The following FHIT variants were observed in gnomAD, a reference collection of about 807,000 sequenced individuals.
The protein encoded by FHIT is bis(5'-adenosyl)-triphosphatase.
In FHIT, 19 loss-of-function variants were observed where a neutral mutation model predicts 17.9. The ratio of observed to expected loss-of-function variants is 1.06; its 90% CI spans 0.74 to 1.56. FHIT has a LOEUF of 1.56. FHIT is among the 40% of genes most tolerant of loss of function. The pLI, the probability that FHIT is intolerant of heterozygous loss-of-function variation, is 0.00. For missense variants in FHIT, 248 were observed against 189.2 expected (o/e 1.31, Z -1.82); for synonymous variants, 81 against 69.7 (o/e 1.16, Z -0.81).
intron 3 of FHIT, among the ~76,000 whole-genome samples, chr3:60,981,234 G>C (rs948554523): frequency 2.6e-5 from 4 of 151,590 alleles, no homozygotes; most frequent in African/African-American, 9.7e-5. Context: ...GTGAAAGTTT[G>C]CTAAGGTCCC....
chr3:60,930,048 A>G (rs2107359956), intron 3 of FHIT, among the ~76,000 whole-genome samples: 1 of 152,324 alleles, frequency 6.6e-6, no homozygotes, highest in African/African-American at 2.4e-5. Context: ...CAGAGCCCTC[A>G]GAAATAATGC....
At chr3:60,999,020 T>C (rs1282715676) in intron 3 of FHIT, among the ~76,000 whole-genome samples, 1 of 152,046 alleles carries the variant, frequency 6.6e-6, no homozygotes, top group Admixed American at 6.6e-5. Flanking sequence ...TGGCAGGACA[T>C]GTATATGACT....
intron 5 of FHIT, among the ~76,000 whole-genome samples, chr3:60,021,450 T>C (rs2106735391): frequency 6.6e-6 from 1 of 152,320 alleles, no homozygotes; most frequent in Middle Eastern, 3.4e-3. Context: ...CACATATTTT[T>C]CTGTGAACTT....
intron 5 of FHIT, among the ~76,000 whole-genome samples, chr3:60,193,713 C>A (rs943079622): frequency 6.6e-6 from 1 of 152,078 alleles, no homozygotes; most frequent in Non-Finnish European, 1.5e-5. Context: ...ACATCCTGAC[C>A]CTGCAAACAG....
At chr3:60,666,305 T>C (rs2040380710) in intron 4 of FHIT, among the ~76,000 whole-genome samples, 1 of 152,190 alleles carries the variant, frequency 6.6e-6, no homozygotes, top group Non-Finnish European at 1.5e-5. Flanking sequence ...TTCATTTACT[T>C]TTCCTTCATC....
chr3:60,838,388 C>T (rs1702607126), intron 3 of FHIT, among the ~76,000 whole-genome samples: 1 of 152,160 alleles, frequency 6.6e-6, no homozygotes, highest in African/African-American at 2.4e-5. Flanking sequence ...AGGAGAATCG[C>T]TTGAACCCGG....
chr3:60,844,250 G>A (rs1702844396), intron 3 of FHIT, among the ~76,000 whole-genome samples: 1 of 152,034 alleles, frequency 6.6e-6, no homozygotes. Flanking sequence ...TAAAATTTTG[G>A]TGAAAAGCAG....
At chr3:60,480,575 A>G (rs971131214) in intron 5 of FHIT, among the ~76,000 whole-genome samples, 1 of 152,190 alleles carries the variant, frequency 6.6e-6, no homozygotes, top group African/African-American at 2.4e-5. Flanking sequence ...GCATTGGGTA[A>G]ATGTTCCCAT....
intron 5 of FHIT, among the ~76,000 whole-genome samples, chr3:60,378,805 A>G (rs10510844): frequency 0.043 from 6,576 of 152,336 alleles, 192 homozygotes; most frequent in Middle Eastern, 0.071. Context: ...GTTCACAGTG[A>G]TTACTCCTAC....
At chr3:61,182,767 G>A (rs1250333879) in intron 2 of FHIT, among the ~76,000 whole-genome samples, 1 of 152,112 alleles carries the variant, frequency 6.6e-6, no homozygotes, top group African/African-American at 2.4e-5. Context: ...GGGTGGGGTT[G>A]GATGTCACAA....
intron 2 of FHIT, among the ~76,000 whole-genome samples, chr3:61,078,169 A>G (rs2035027380): frequency 6.6e-6 from 1 of 152,102 alleles, no homozygotes. Flanking sequence ...TTCATGACAG[A>G]CAGATTTATT....
intron 5 of FHIT, among the ~76,000 whole-genome samples, chr3:60,473,510 G>T (rs746509577): frequency 2.0e-5 from 3 of 152,106 alleles, no homozygotes; most frequent in Non-Finnish European, 4.4e-5. Flanking sequence ...ATATTGCCAG[G>T]CTTAAAATAC....
At chr3:60,979,992 CTAT>C (rs887195002) in intron 3 of FHIT, among the ~76,000 whole-genome samples, 1 of 152,212 alleles carries the variant, frequency 6.6e-6, no homozygotes, top group Non-Finnish European at 1.5e-5. Flanking sequence ...AGTTTCACTG[CTAT>C]GAAAAACTAA....
At chr3:60,441,294 A>C (rs544702362) in intron 5 of FHIT, among the ~76,000 whole-genome samples, 1 of 152,152 alleles carries the variant, frequency 6.6e-6, no homozygotes, top group South Asian at 2.1e-4. Context: ...ATGTCAATGC[A>C]GGGAGTTTAC....
At chr3:59,843,643 A>C (rs1312743748) in intron 8 of FHIT, among the ~76,000 whole-genome samples, 1 of 152,104 alleles carries the variant, frequency 6.6e-6, no homozygotes, top group Non-Finnish European at 1.5e-5. Flanking sequence ...CTAATTCCTA[A>C]GTATTTTATT....
chr3:59,776,154 G>T (rs542799988), intron 8 of FHIT, among the ~76,000 whole-genome samples: 2 of 152,212 alleles, frequency 1.3e-5, no homozygotes, highest in South Asian at 4.1e-4. Context: ...TGGGCTGGAA[G>T]CCCTCCCCTT....
At chr3:60,283,903 C>T (rs996437952) in intron 5 of FHIT, among the ~76,000 whole-genome samples, 2 of 152,036 alleles carry the variant, frequency 1.3e-5, no homozygotes, top group Non-Finnish European at 2.9e-5. Context: ...ACAATGTATT[C>T]TAGTGATTAC....
intron 8 of FHIT, among the ~76,000 whole-genome samples, chr3:59,794,150 A>G (rs1446028900): frequency 6.6e-6 from 1 of 152,204 alleles, no homozygotes; most frequent in African/African-American, 2.4e-5. Context: ...TGGTTTTTAG[A>G]GAAATATCAC....
chr3:59,765,927 T>C (rs936490861), intron 8 of FHIT, among the ~76,000 whole-genome samples: 22 of 152,222 alleles, frequency 1.4e-4, no homozygotes, highest in Admixed American at 3.9e-4. Context: ...ACACAGCTCA[T>C]AGGGAGAAAT....
Sources: gnomAD v4.1 joint callset for allele counts (sites outside exome capture counted in the v4.1 genomes callset) on GRCh38, gnomAD v4.1.1 for gene constraint, MANE v1.5 for transcripts, NCBI Gene and HGNC (gene_info 2026-07-23, HGNC 2026-07-21) for gene names.